The following EBF3 variants were observed in gnomAD, a reference collection of about 807,000 sequenced individuals.
EBF3 encodes the protein transcription factor COE3.
A neutral mutation model predicts 77.1 loss-of-function variants in EBF3; 18 were observed. That is an observed-to-expected ratio of 0.23 (90% CI 0.16 to 0.35). The LOEUF (loss-of-function observed/expected upper bound fraction) is 0.35, where lower values mean the gene tolerates loss of function less well. EBF3 is among the 10% of genes least tolerant of loss of function. The pLI is 1.00. For missense variants in EBF3, 558 were observed against 860.0 expected, an observed-to-expected ratio of 0.65 and a Z score of 4.39; for synonymous variants, 350 against 343.5, an observed-to-expected ratio of 1.02 and a Z score of -0.21.
At chr10:129,908,213 G>A (rs1334010) in intron 6 of EBF3, among the ~76,000 whole-genome samples, 32,068 of 152,030 alleles carry the variant, frequency 0.21, 3,469 homozygotes, top group African/African-American at 0.27. Flanking sequence ...ATTTTATACC[G>A]CCTGGCTTTA....
rs1194620583 is a variant in EBF3, at chr10:129,935,933, A to T, written c.554+21325T>A. 6.6e-6 allele frequency among the ~76,000 whole-genome samples: 1 copy of T among 152,014 alleles called. No individual in the cohort carries two copies. Among genetic ancestry groups the T allele is most frequent in the East Asian group, 1.9e-4 (1 of 5,160 alleles). ...AGAGCCCAAGCAGCCCTGGAGCACC[A>T]GGGCCCCTCCTCCACCATCATCCAT... On this transcript the variant is annotated intron_variant, in intron 6 of 16. Coordinates refer to ENST00000440978, the MANE Select transcript of EBF3 (RefSeq NM_001375380.1). The surrounding 1 kb of genome is among the most constrained non-coding windows in gnomAD (Gnocchi z 4.2).
intron 10 of EBF3, among the ~76,000 whole-genome samples, chr10:129,853,172 T>C (rs1042847357): frequency 6.6e-6 from 1 of 152,206 alleles, no homozygotes. Context: ...GTTGTGTTTT[T>C]AAAATAGTGT....
Position 129,911,608 on chromosome 10 carries a change from C to T in EBF3, c.555-33759G>A, listed in dbSNP as rs538861407. Among the ~76,000 whole-genome samples, 7 of 152,240 alleles carry T rather than the reference C, an allele frequency of 4.6e-5. No homozygotes were observed. The East Asian group carries it at 9.7e-4, about 21-fold the overall frequency. On this transcript the variant is annotated intron_variant, in intron 6 of 16. Coordinates refer to ENST00000440978, the MANE Select transcript of EBF3 (RefSeq NM_001375380.1). ...GCTGCTCCAGCCTCCTTGGTGGGCA[C>T]GGGATGGGAAGAGGGGTGAGGAGGG...
chr10:129,947,036 G>A lies in EBF3; in HGVS notation c.554+10222C>T, dbSNP rs542105740. 2.0e-5 allele frequency among the ~76,000 whole-genome samples: 3 copies of A among 152,242 alleles called. No individual in the cohort carries two copies. Among genetic ancestry groups the A allele is most frequent in the Admixed American group, 6.5e-5 (1 of 15,302 alleles). ...GTGGCTGGATCGGGCCGATGACCTCGGACAGTGGGGACCAGCAGCACGTCC... is the reference window on the plus strand; with the variant it reads ...GTGGCTGGATCGGGCCGATGACCTCAGACAGTGGGGACCAGCAGCACGTCC... On this transcript the variant is annotated intron_variant, in intron 6 of 16. Coordinates refer to ENST00000440978, the MANE Select transcript of EBF3 (RefSeq NM_001375380.1). This position sits in a 1 kb window ranked among gnomAD's most constrained non-coding sequence, Gnocchi z 4.5.
At chr10:129,950,161 T>G (rs1858563873) in intron 6 of EBF3, among the ~76,000 whole-genome samples, 1 of 152,098 alleles carries the variant, frequency 6.6e-6, no homozygotes, top group African/African-American at 2.4e-5. Flanking sequence ...CTCCTTCCGT[T>G]CGCGGGGCCT....
At chr10:129,850,284 C>T (rs940786363) in intron 10 of EBF3, among the ~76,000 whole-genome samples, 2 of 152,232 alleles carry the variant, frequency 1.3e-5, no homozygotes, top group Non-Finnish European at 2.9e-5. Flanking sequence ...AGGTGATAGA[C>T]GCTTTAATGC....
chr10:129,868,116 G>A (rs1468522078), intron 8 of EBF3, among the ~76,000 whole-genome samples: 4 of 152,278 alleles, frequency 2.6e-5, no homozygotes, highest in Non-Finnish European at 5.9e-5. Context: ...AGGCCGAGCT[G>A]CGGAATACTA....
At chr10:129,905,134 T>G (rs945120720) in intron 6 of EBF3, among the ~76,000 whole-genome samples, 1 of 152,198 alleles carries the variant, frequency 6.6e-6, no homozygotes, top group African/African-American at 2.4e-5. Context: ...TGTCTTTCCA[T>G]CAACTTGGGG....
Position 129,926,163 on chromosome 10 carries a change from CCATTCATTCATT to C in EBF3, c.554+31083_554+31094del, listed in dbSNP as rs540508874. 1.8e-3 allele frequency among the ~76,000 whole-genome samples: 272 copies of C among 152,282 alleles called. 2 individuals are homozygous for C. The highest frequency in any genetic ancestry group is 5.5e-3 in the African/African-American group (230 of 41,564). ...TGCTTCCCGAGGTGCTGTGTCGCAG[CCATTCATTCATT>C]CATTCATTCATTCATAATGAATACC... is the stretch of plus-strand genomic sequence containing the variant. On this transcript the variant is annotated intron_variant, in intron 6 of 16. Transcript: ENST00000440978.
chr10:129,943,574 T>C lies in EBF3; in HGVS notation c.554+13684A>G, dbSNP rs145901588. Among the ~76,000 whole-genome samples, 1,051 of 152,300 alleles carry C rather than the reference T, an allele frequency of 6.9e-3. 9 individuals carry two copies. Among genetic ancestry groups the C allele is most frequent in the Non-Finnish European group, 0.011 (781 of 68,016 alleles). On this transcript the variant is annotated intron_variant, in intron 6 of 16. Transcript: ENST00000440978. The surrounding 1 kb of genome is among the most constrained non-coding windows in gnomAD (Gnocchi z 8.8). ...GATGCTAGGGATGAGCCTCAAGTGG[T>C]TGCCAGGAGTCGCCAGCCGGGCTTG...
At chr10:129,955,085 C>G (rs563297248) in intron 6 of EBF3, among the ~76,000 whole-genome samples, 1 of 152,170 alleles carries the variant, frequency 6.6e-6, no homozygotes, top group Non-Finnish European at 1.5e-5. Context: ...AGAAATATGC[C>G]GTAAGCTGGA....
rs1165295256 is a variant in EBF3, at chr10:129,848,507, C to G, written c.1040-27G>C. The G allele has an allele frequency of 1.2e-6, 2 of 1,609,782 alleles. No individual in the cohort carries two copies. The highest frequency in any genetic ancestry group is 1.7e-6 in the Non-Finnish European group (2 of 1,176,032). On this transcript the variant is annotated intron_variant, in intron 10 of 16. Coordinates refer to ENST00000440978, the MANE Select transcript of EBF3 (RefSeq NM_001375380.1). The surrounding 1 kb of genome is among the most constrained non-coding windows in gnomAD (Gnocchi z 4.4). The stretch of plus-strand genomic sequence containing the variant: ...TGCAACAGGACACAGAAATGTAGAT[C>G]AGGTTAATTACTTTTATGTCATCCA...
At position 129,836,598 on chromosome 10, in the gene EBF3, TA is replaced by T. The variant is rs11390227; in HGVS notation, c.*1344del. ...CAATGAATTTGACTTTTCCTCAAAA[TA>T]AAAAAAAAAAGGATGGAAAGTCTAA... On this transcript the variant is annotated 3_prime_UTR_variant, in exon 17 of 17. Transcript: ENST00000440978. The T allele has an allele frequency of 2.6e-3, 383 of 147,116 alleles. No homozygotes were observed. The highest frequency in any genetic ancestry group is 4.1e-3 in the Non-Finnish European group (277 of 66,826). The allele number at this position is 147,116 out of a possible 1,614,324, so 9.1% of individuals were successfully genotyped here. A position where few individuals can be genotyped will look rare whatever the true frequency, so the allele number is the denominator to read the frequency against.
At chr10:129,906,555 C>T (rs1015580477) in intron 6 of EBF3, among the ~76,000 whole-genome samples, 2 of 152,196 alleles carry the variant, frequency 1.3e-5, no homozygotes, top group African/African-American at 2.4e-5. Context: ...AGGGAGAGGA[C>T]AGTCCCTATG....
intron 6 of EBF3, among the ~76,000 whole-genome samples, chr10:129,940,686 C>G (rs1353027659): frequency 6.6e-6 from 1 of 152,200 alleles, no homozygotes; most frequent in African/African-American, 2.4e-5. Flanking sequence ...CCTCCTCACA[C>G]CTGCTAGGAA....
intron 6 of EBF3, among the ~76,000 whole-genome samples, chr10:129,899,450 C>A (rs931070128): frequency 6.6e-6 from 1 of 152,222 alleles, no homozygotes; most frequent in Non-Finnish European, 1.5e-5. Flanking sequence ...CAGAGGCCGG[C>A]GCCCTGGACC....
chr10:129,838,983 G>T, intron 16 of EBF3, 100 bp downstream of exon 16: 3 of 1,152,746 alleles, frequency 2.6e-6, no homozygotes, highest in Non-Finnish European at 3.5e-6. Context: ...TGTGGTGCCC[G>T]CTGATGGCAC....
At chr10:129,932,296 T>C (rs1379037851) in intron 6 of EBF3, among the ~76,000 whole-genome samples, 1 of 152,222 alleles carries the variant, frequency 6.6e-6, no homozygotes, top group Non-Finnish European at 1.5e-5. Flanking sequence ...CATTCATTCC[T>C]CAAGCTGCCT....
intron 6 of EBF3, among the ~76,000 whole-genome samples, chr10:129,884,442 T>C (rs1853428237): frequency 6.6e-6 from 1 of 152,230 alleles, no homozygotes; most frequent in South Asian, 2.1e-4. Flanking sequence ...TGGGCTCACG[T>C]TCTTTAATGC....
Sources: gnomAD v4.1 joint callset for allele counts (sites outside exome capture counted in the v4.1 genomes callset) on GRCh38, gnomAD v4.1.1 for gene constraint, Gnocchi (gnomAD v3.1) non-coding constraint, MANE v1.5 for transcripts, NCBI Gene and HGNC (gene_info 2026-07-23, HGNC 2026-07-21) for gene names.